The following LRP1B variants were observed in gnomAD, a reference collection of about 807,000 sequenced individuals.
The protein encoded by LRP1B is LDL receptor related protein 1B, also known as low-density lipoprotein receptor-related protein 1B.
A neutral mutation model predicts 556.6 loss-of-function variants in LRP1B; 217 were observed. That is an observed-to-expected ratio of 0.39 (90% CI 0.35 to 0.44). The LOEUF (loss-of-function observed/expected upper bound fraction) is 0.44, where lower values mean the gene tolerates loss of function less well. LRP1B is among the 20% of genes least tolerant of loss of function. The probability of loss-of-function intolerance (pLI) is 1.00; values close to 1 mark genes in which losing one functional copy is unlikely to be tolerated. For synonymous variants in LRP1B, 2,047 were observed against 1,865.8 expected, an observed-to-expected ratio of 1.10 and a Z score of -2.50; for missense variants, 5,053 against 5,620.8, an observed-to-expected ratio of 0.90 and a Z score of 3.23.
At chr2:140,647,787 C>A (rs1300622324) in intron 41 of LRP1B, among the ~76,000 whole-genome samples, 1 of 152,168 alleles carries the variant, frequency 6.6e-6, no homozygotes, top group Admixed American at 6.5e-5. Flanking sequence ...ATTCAGGAAA[C>A]AACAGGTGCT....
intron 3 of LRP1B, among the ~76,000 whole-genome samples, chr2:141,335,885 G>A (rs1031207240): frequency 6.6e-6 from 1 of 152,032 alleles, no homozygotes; most frequent in Non-Finnish European, 1.5e-5. Context: ...TCAAAACAGT[G>A]TTGGCAAGGA....
intron 7 of LRP1B, among the ~76,000 whole-genome samples, chr2:141,126,373 C>T (rs930425174): frequency 2.0e-5 from 3 of 152,108 alleles, no homozygotes; most frequent in Admixed American, 6.6e-5. Context: ...ACTCTTCTTC[C>T]TCGCCATTCG....
chr2:140,873,322 G>A (rs962196139), intron 25 of LRP1B, among the ~76,000 whole-genome samples: 1 of 151,998 alleles, frequency 6.6e-6, no homozygotes, highest in South Asian at 2.1e-4. Flanking sequence ...AATAAAAACA[G>A]CTGCATCTTA....
At chr2:141,503,587 T>C (rs910502235) in intron 2 of LRP1B, among the ~76,000 whole-genome samples, 9 of 152,142 alleles carry the variant, frequency 5.9e-5, no homozygotes, top group Non-Finnish European at 8.8e-5. Context: ...AATTATGTCC[T>C]CCTTCTATCT....
At chr2:141,037,803 G>T (rs577989418) in intron 11 of LRP1B, among the ~76,000 whole-genome samples, 4 of 151,854 alleles carry the variant, frequency 2.6e-5, no homozygotes, top group African/African-American at 9.7e-5. Flanking sequence ...CAAAGGAAAT[G>T]AAATTAGAAA....
At chr2:141,490,180 C>A (rs1683275889) in intron 2 of LRP1B, among the ~76,000 whole-genome samples, 1 of 152,046 alleles carries the variant, frequency 6.6e-6, no homozygotes, top group African/African-American at 2.4e-5. Flanking sequence ...TTGCATCTAA[C>A]ATATAGAGCT....
At chr2:141,602,469 T>A (rs17791774) in intron 2 of LRP1B, among the ~76,000 whole-genome samples, 12,142 of 152,192 alleles carry the variant, frequency 0.08, 564 homozygotes, top group South Asian at 0.13. Flanking sequence ...TAAACAATAT[T>A]TAGAAAGTAA....
At chr2:140,240,145 A>G (rs916781358) in intron 87 of LRP1B, among the ~76,000 whole-genome samples, 1 of 150,934 alleles carries the variant, frequency 6.6e-6, no homozygotes, top group African/African-American at 2.4e-5. Flanking sequence ...AAGAAGACTT[A>G]CCACAAAGGG....
At chr2:141,741,594 C>A (rs749196270) in intron 2 of LRP1B, among the ~76,000 whole-genome samples, 10 of 152,054 alleles carry the variant, frequency 6.6e-5, no homozygotes, top group Non-Finnish European at 1.5e-4. Context: ...TGTATGTCTT[C>A]TTTTGAGAAG....
At chr2:141,088,849 T>C (rs1000301974) in intron 7 of LRP1B, among the ~76,000 whole-genome samples, 1 of 152,200 alleles carries the variant, frequency 6.6e-6, no homozygotes, top group Admixed American at 6.5e-5. Context: ...GTTTTGCCTT[T>C]GCAACTTATG....
chr2:142,109,983 T>C (rs1051358899), intron 1 of LRP1B, among the ~76,000 whole-genome samples: 1 of 152,140 alleles, frequency 6.6e-6, no homozygotes. Context: ...AAAAGCTGTA[T>C]AGAATGATAT....
rs2105303944 is a variant in LRP1B, at chr2:140,444,345, C to A, written c.10279G>T (p.Asp3427Tyr). ...GGTGACTTACGACAGTCTCTTTCAT[C>A]TTCCTCATCACCACAGTCATCTTGC... Reference protein sequence around the residue: ...NGQDDCGDEEDERDCPENSCS... With the variant: ...NGQDDCGDEEYERDCPENSCS... Residue 3427 changes from aspartate (D) to tyrosine (Y), a missense_variant, in exon 65 of 91, where the codon GAT becomes TAT. By Grantham distance (160) the Asp-to-Tyr change is radical. Around this residue, in one of 5 missense-constraint regions of LRP1B, gnomAD observed 262 missense variants for 395.1 expected, o/e 0.66. Coordinates refer to ENST00000389484, the MANE Select transcript of LRP1B (RefSeq NM_018557.3). The A allele has an allele frequency of 1.9e-6, 3 of 1,613,938 alleles. No individual in the cohort carries two copies. The highest frequency in any genetic ancestry group is 1.7e-6 in the Non-Finnish European group (2 of 1,179,880).
At chr2:140,282,602 C>A (rs1428642757) in intron 84 of LRP1B, among the ~76,000 whole-genome samples, 1 of 151,552 alleles carries the variant, frequency 6.6e-6, no homozygotes, top group Non-Finnish European at 1.5e-5. Context: ...TAGGACCTAC[C>A]CAGCAGTTGG....
intron 41 of LRP1B, among the ~76,000 whole-genome samples, chr2:140,655,052 T>C (rs1684830342): frequency 1.4e-5 from 2 of 140,958 alleles, no homozygotes; most frequent in African/African-American, 5.3e-5. Context: ...ATATATCTCC[T>C]AGCTCTCTAA....
intron 20 of LRP1B, among the ~76,000 whole-genome samples, chr2:140,929,168 C>T (rs114709083): frequency 4.7e-4 from 71 of 152,100 alleles, no homozygotes; most frequent in African/African-American, 1.7e-3. Context: ...AAATGGGAGG[C>T]ATATTTTTTG....
intron 83 of LRP1B, among the ~76,000 whole-genome samples, chr2:140,305,183 T>C (rs1247997182): frequency 6.6e-6 from 1 of 152,218 alleles, no homozygotes; most frequent in South Asian, 2.1e-4. Flanking sequence ...TTTTCTCCAA[T>C]TCTGTGAAGA....
chr2:140,364,587 C>T (rs1682665976), intron 72 of LRP1B, 74 bp downstream of exon 72: 1 of 1,547,948 alleles, frequency 6.5e-7, no homozygotes. Context: ...TTCACCTCCC[C>T]ACTTCATTGA....
chr2:141,215,086 G>A (rs559817017), intron 6 of LRP1B, among the ~76,000 whole-genome samples: 3 of 152,132 alleles, frequency 2.0e-5, no homozygotes, highest in African/African-American at 7.2e-5. Flanking sequence ...TTTGGGTTAT[G>A]GGGGTAGATC....
At chr2:141,487,087 C>T (rs918379137) in intron 2 of LRP1B, among the ~76,000 whole-genome samples, 2 of 152,114 alleles carry the variant, frequency 1.3e-5, no homozygotes, top group Non-Finnish European at 2.9e-5. Flanking sequence ...CATGCTTGGA[C>T]ACATTTCACA....
Sources: gnomAD v4.1 joint callset for allele counts (sites outside exome capture counted in the v4.1 genomes callset) on GRCh38, gnomAD v4.1.1 for gene constraint, gnomAD v4.1.1 regional missense constraint, MANE v1.5 for transcripts, NCBI Gene and HGNC (gene_info 2026-07-23, HGNC 2026-07-21) for gene names.